Variants in RFX2 observed in about 807,000 individuals in gnomAD.
The protein encoded by RFX2 is DNA-binding protein RFX2.
In RFX2, 20 loss-of-function variants were observed where a neutral mutation model predicts 87.8. That is an observed-to-expected ratio of 0.23 (90% CI 0.16 to 0.33). The LOEUF (loss-of-function observed/expected upper bound fraction) is 0.33. Ranked by LOEUF, RFX2 falls within the 10% of genes least tolerant of loss-of-function variation. RFX2 has a pLI of 1.00. For synonymous variants in RFX2, 397 were observed against 431.3 expected, an observed-to-expected ratio of 0.92 and a Z score of 0.98; for missense variants, 767 against 1,012.3, an observed-to-expected ratio of 0.76 and a Z score of 3.29.
intron 3 of RFX2, among the ~76,000 whole-genome samples, chr19:6,043,286 T>C (rs2087137449): frequency 6.6e-6 from 1 of 152,238 alleles, no homozygotes; most frequent in African/African-American, 2.4e-5. Context: ...CCTGAGGCCC[T>C]GCGTCCCCGC....
In RFX2 at chr19:6,110,486, G is replaced by T; in HGVS notation, c.-102C>A. 6.5e-6 allele frequency: 1 copy of T among 153,356 alleles called. No individual in the cohort carries two copies. The highest frequency in any genetic ancestry group is 1.8e-4 in the South Asian group (1 of 5,554). The allele number at this position is 153,356 out of a possible 1,614,324, so 9.5% of individuals were successfully genotyped here. On this transcript the variant is annotated 5_prime_UTR_variant, in exon 1 of 18. Coordinates refer to ENST00000303657, the MANE Select transcript of RFX2 (RefSeq NM_000635.4). The surrounding 1 kb of genome is among the most constrained non-coding windows in gnomAD (Gnocchi z 4.3). ...CCCGTTGGTAAGTAACAGTCTCCAC[G>T]GCTACAGTCTCTATGGCGGCGGCGG...
chr19:6,011,426 G>A lies in RFX2; in HGVS notation c.900-1175C>T, dbSNP rs911745706. On this transcript the variant is annotated intron_variant, in intron 8 of 17. Transcript: ENST00000303657. The surrounding 1 kb of genome is among the most constrained non-coding windows in gnomAD (Gnocchi z 4.8). ...AGCGGGGCCAGGCCTACAGGGAGGC[G>A]GGAGACCATGCTGGCGAGGTGTGTG... Among the ~76,000 whole-genome samples, 7 of 152,182 alleles carry A rather than the reference G, an allele frequency of 4.6e-5. No homozygotes were observed. The highest frequency in any genetic ancestry group is 1.2e-4 in the African/African-American group (5 of 41,438).
At chr19:6,088,019 G>C (rs1599922905) in intron 1 of RFX2, among the ~76,000 whole-genome samples, 1 of 152,164 alleles carries the variant, frequency 6.6e-6, no homozygotes, top group Admixed American at 6.5e-5. Flanking sequence ...AACCCGCCAG[G>C]AAGCCACAGT....
In RFX2 at chr19:6,013,932, C is replaced by G. The variant is rs1031700011; in HGVS notation, c.780-827G>C. ...CTTTGTTGAGCTCCACATGGCTTAT[C>G]TCCATTATTATTACCATTATTATTA... On this transcript the variant is annotated intron_variant, in intron 7 of 17. Transcript: ENST00000303657. This position sits in a 1 kb window ranked among gnomAD's most constrained non-coding sequence, Gnocchi z 4.1. Among the ~76,000 whole-genome samples the G allele has an allele frequency of 6.6e-6, 1 of 152,174 alleles. No individual in the cohort carries two copies. The highest frequency in any genetic ancestry group is 1.5e-5 in the Non-Finnish European group (1 of 68,040).
At position 6,045,399 on chromosome 19, in the gene RFX2, G is replaced by T. The variant is rs2087172659; in HGVS notation, c.91-1117C>A. On this transcript the variant is annotated intron_variant, in intron 2 of 17. Transcript: ENST00000303657. This position sits in a 1 kb window ranked among gnomAD's most constrained non-coding sequence, Gnocchi z 5.2. ...AGGAAGGCAGAGTCCACCTAGGCCT[G>T]GGAGAGCCTGAGAGAGGGGCTTGGC... Among the ~76,000 whole-genome samples the T allele has an allele frequency of 1.3e-5, 2 of 152,180 alleles. No homozygotes were observed. Among genetic ancestry groups the T allele is most frequent in the Non-Finnish European group, 2.9e-5 (2 of 68,032 alleles).
At chr19:6,041,306 T>C (rs931120833) in intron 4 of RFX2, among the ~76,000 whole-genome samples, 1 of 152,124 alleles carries the variant, frequency 6.6e-6, no homozygotes, top group East Asian at 1.9e-4. Context: ...ACAGCCAGGT[T>C]CTCATGTACA....
At chr19:6,055,289 T>G (rs909756325) in intron 1 of RFX2, among the ~76,000 whole-genome samples, 2 of 152,248 alleles carry the variant, frequency 1.3e-5, no homozygotes, top group African/African-American at 4.8e-5. Flanking sequence ...GAAAGAGGTT[T>G]GGCAGTTTTC....
chr19:6,108,707 G>A (rs113206366), intron 1 of RFX2, among the ~76,000 whole-genome samples: 21 of 152,190 alleles, frequency 1.4e-4, no homozygotes, highest in African/African-American at 4.1e-4. Context: ...TGAAGCCTGG[G>A]GGGGCGGGGG....
Position 6,026,275 on chromosome 19 carries a change from T to C in RFX2, c.523-38A>G, listed in dbSNP as rs1471784259. The stretch of plus-strand genomic sequence containing the variant: ...TGTGCAGAAACAAAACAAAACAAAA[T>C]GGAAAAAAAAAAAAAGGAAATCAGA... On this transcript the variant is annotated intron_variant, in intron 5 of 17. Transcript: ENST00000303657. This position sits in a 1 kb window ranked among gnomAD's most constrained non-coding sequence, Gnocchi z 4.5. 5 of 1,484,464 alleles carry C rather than the reference T, an allele frequency of 3.4e-6. No homozygotes were observed. In the South Asian group the frequency reaches 3.7e-5, roughly 11 times the overall value. The allele number at this position is 1,484,464 out of a possible 1,614,324, so 92.0% of individuals were successfully genotyped here. A position where few individuals can be genotyped will look rare whatever the true frequency, so the allele number is the denominator to read the frequency against.
chr19:5,997,037 G>A lies in RFX2; in HGVS notation c.2013+23C>T, dbSNP rs772403569. 13 of 1,596,514 alleles carry A rather than the reference G, an allele frequency of 8.1e-6. No individual in the cohort carries two copies. Among genetic ancestry groups the A allele is most frequent in the Middle Eastern group, 1.7e-4 (1 of 6,000 alleles). ...CCACAGGCCCGGCCAAGCCCCGGCC[G>A]TCCCACCCAGGAGGGTCCTCACCTC... On this transcript the variant is annotated intron_variant, in intron 16 of 17. Coordinates refer to ENST00000303657, the MANE Select transcript of RFX2 (RefSeq NM_000635.4). The surrounding 1 kb of genome is among the most constrained non-coding windows in gnomAD (Gnocchi z 4.2).
intron 5 of RFX2, among the ~76,000 whole-genome samples, chr19:6,035,213 T>A (rs1188755904): frequency 6.6e-6 from 1 of 152,164 alleles, no homozygotes; most frequent in Non-Finnish European, 1.5e-5. Flanking sequence ...TGGCCTCATG[T>A]GGCCTCTGGG....
At chr19:6,030,216 G>A (rs893350250) in intron 5 of RFX2, among the ~76,000 whole-genome samples, 2 of 152,188 alleles carry the variant, frequency 1.3e-5, no homozygotes, top group Non-Finnish European at 2.9e-5. Flanking sequence ...TCAAACTGTT[G>A]AAAGGCAAAG....
At chr19:6,014,050 T>A (rs1181152849) in intron 7 of RFX2, among the ~76,000 whole-genome samples, 2 of 151,964 alleles carry the variant, frequency 1.3e-5, no homozygotes, top group Non-Finnish European at 2.9e-5. Flanking sequence ...TACGGGAGAA[T>A]GATGATCAGA....
chr19:6,097,474 C>T (rs1012620659), intron 1 of RFX2, among the ~76,000 whole-genome samples: 10 of 152,108 alleles, frequency 6.6e-5, no homozygotes, highest in Admixed American at 3.3e-4. Flanking sequence ...CTTCTGAGGG[C>T]GTGATCATCA....
In RFX2 at chr19:6,050,882, T is replaced by A. The variant is rs1234893061; in HGVS notation, c.-8-3378A>T. Among the ~76,000 whole-genome samples the A allele has an allele frequency of 6.6e-6, 1 of 152,112 alleles. No individual in the cohort carries two copies. Among genetic ancestry groups the A allele is most frequent in the African/African-American group, 2.4e-5 (1 of 41,418 alleles). On this transcript the variant is annotated intron_variant, in intron 1 of 17. Coordinates refer to ENST00000303657, the MANE Select transcript of RFX2 (RefSeq NM_000635.4). The surrounding 1 kb of genome is among the most constrained non-coding windows in gnomAD (Gnocchi z 4.6). ...GATAGGTATGTCATGGTTAAACTGTTAAAAGAAGCAGTCAGAGAAAAACTA... is the reference window on the plus strand; with the variant it reads ...GATAGGTATGTCATGGTTAAACTGTAAAAAGAAGCAGTCAGAGAAAAACTA...
In RFX2 at chr19:6,047,616, G is replaced by T; in HGVS notation, c.-8-112C>A. On this transcript the variant is annotated intron_variant, in intron 1 of 17. Coordinates refer to ENST00000303657, the MANE Select transcript of RFX2 (RefSeq NM_000635.4). This position sits in a 1 kb window ranked among gnomAD's most constrained non-coding sequence, Gnocchi z 4.2. The stretch of plus-strand genomic sequence containing the variant: ...GGAGTAACCAGCTACATTCTTCAAA[G>T]TCGAAAGGCAGAGACCCTGGTGGTA... 1 of 854,082 alleles carries T rather than the reference G, an allele frequency of 1.2e-6. No individual in the cohort carries two copies. Among genetic ancestry groups the T allele is most frequent in the Non-Finnish European group, 1.9e-6 (1 of 533,664 alleles). The allele number at this position is 854,082 out of a possible 1,614,324, so 52.9% of individuals were successfully genotyped here. A position where few individuals can be genotyped will look rare whatever the true frequency, so the allele number is the denominator to read the frequency against.
chr19:6,030,586 A>G (rs1220587576), intron 5 of RFX2, among the ~76,000 whole-genome samples: 1 of 152,192 alleles, frequency 6.6e-6, no homozygotes. Context: ...AGTGGCTGTC[A>G]GGAGATGGAA....
intron 1 of RFX2, chr19:6,073,392 T>A (rs537002229): frequency 7.8e-6 from 9 of 1,151,558 alleles, no homozygotes; most frequent in Admixed American, 1.7e-5. Context: ...CTGGAAGTGC[T>A]GATGTGCAAC....
In RFX2 at chr19:5,998,622, C is replaced by T. The variant is rs2086449809; in HGVS notation, c.1860-1409G>A. Among the ~76,000 whole-genome samples, 1 of 152,204 alleles carries T rather than the reference C, an allele frequency of 6.6e-6. No individual in the cohort carries two copies. The highest frequency in any genetic ancestry group is 2.4e-5 in the African/African-American group (1 of 41,450). On this transcript the variant is annotated intron_variant, in intron 15 of 17. Coordinates refer to ENST00000303657, the MANE Select transcript of RFX2 (RefSeq NM_000635.4). This position sits in a 1 kb window ranked among gnomAD's most constrained non-coding sequence, Gnocchi z 4.2. ...GTTCCTCCGGGCCCACCCAGGTTGG[C>T]TTCCAAGCCCCCTTTCCCCAAAGGC...
Sources: allele counts gnomAD v4.1 joint callset (sites outside exome capture counted in the v4.1 genomes callset), GRCh38; gene constraint gnomAD v4.1.1; non-coding constraint Gnocchi (gnomAD v3.1); transcripts MANE v1.5; gene names NCBI Gene and HGNC (gene_info 2026-07-23, HGNC 2026-07-21).